Variants in BBS9 observed in about 807,000 individuals in gnomAD.
The protein encoded by BBS9 is Bardet-Biedl syndrome 9.
BBS9 carries 89 observed loss-of-function variants against 117.7 expected under a neutral mutation model. The observed-to-expected ratio is 0.76, with a 90% CI of 0.64 to 0.90. The LOEUF (loss-of-function observed/expected upper bound fraction) is 0.90, where lower values mean the gene tolerates loss of function less well. Ranked by LOEUF, BBS9 falls within the 40% of genes least tolerant of loss-of-function variation. The pLI is 0.00. For missense variants in BBS9, 982 were observed against 1,042.2 expected (o/e 0.94, Z 0.80); for synonymous variants, 379 against 370.9 (o/e 1.02, Z -0.25).
chr7:33,387,888 A>T (rs1584609475), intron 18 of BBS9, 104 bp from the exon 19 acceptor site: 1 of 1,336,498 alleles, frequency 7.5e-7, no homozygotes, highest in East Asian at 2.3e-5. Flanking sequence ...ATGCATTTAA[A>T]TTTCTTCATT....
chr7:33,352,713 G>C (rs1818893041), intron 14 of BBS9, 146 bp from the exon 15 acceptor site: 2 of 854,344 alleles, frequency 2.3e-6, no homozygotes, highest in East Asian at 5.2e-5. Context: ...TGTGTTTGGA[G>C]AGTCATTTAA....
At chr7:33,294,684 T>G (rs1228904484) in intron 9 of BBS9, among the ~76,000 whole-genome samples, 1 of 152,232 alleles carries the variant, frequency 6.6e-6, no homozygotes, top group Non-Finnish European at 1.5e-5. Flanking sequence ...ATAGTCATGC[T>G]TGTATATTAA....
intron 21 of BBS9, among the ~76,000 whole-genome samples, chr7:33,594,773 T>C (rs1862462364): frequency 6.6e-6 from 1 of 152,136 alleles, no homozygotes; most frequent in Admixed American, 6.6e-5. Context: ...TCCCAAGGGC[T>C]TTATTTCCAA....
At chr7:33,507,368 G>A (rs1846293010) in intron 20 of BBS9, among the ~76,000 whole-genome samples, 1 of 152,128 alleles carries the variant, frequency 6.6e-6, no homozygotes, top group Non-Finnish European at 1.5e-5. Flanking sequence ...AGCCTCCAGA[G>A]TAGCTGGGAT....
intron 20 of BBS9, among the ~76,000 whole-genome samples, chr7:33,514,555 A>T (rs920493213): frequency 6.6e-6 from 1 of 152,178 alleles, no homozygotes; most frequent in Non-Finnish European, 1.5e-5. Context: ...AAAAAGTTAA[A>T]CAACAGAATC....
intron 5 of BBS9, among the ~76,000 whole-genome samples, chr7:33,220,527 T>C (rs1320042956): frequency 6.6e-6 from 1 of 152,234 alleles, no homozygotes; most frequent in African/African-American, 2.4e-5. Context: ...AAAACTACTT[T>C]GTACCTAATG....
intron 9 of BBS9, among the ~76,000 whole-genome samples, chr7:33,290,720 T>C (rs1803879427): frequency 6.6e-6 from 1 of 152,244 alleles, no homozygotes; most frequent in Non-Finnish European, 1.5e-5. Context: ...TAGAACAGAA[T>C]TCTCAGTATT....
At chr7:33,495,853 A>G (rs1844631928) in intron 19 of BBS9, among the ~76,000 whole-genome samples, 1 of 152,162 alleles carries the variant, frequency 6.6e-6, no homozygotes, top group Non-Finnish European at 1.5e-5. Context: ...AAATAGCAAA[A>G]TTTGTCTCTA....
chr7:33,276,064 A>G (rs1364704265), intron 9 of BBS9, among the ~76,000 whole-genome samples: 1 of 152,210 alleles, frequency 6.6e-6, no homozygotes. Flanking sequence ...CAATTAATAT[A>G]TAAAAATAAA....
Position 33,255,102 on chromosome 7 carries a change from G to C in BBS9, c.443-2134G>C, listed in dbSNP as rs118049367. Reference sequence around the variant, plus strand: ...ATTTGCAAATATTTTCTCCCATTATGTGTTTTTTTGTTGATTGTTTTCTTT... The same window carrying C: ...ATTTGCAAATATTTTCTCCCATTATCTGTTTTTTTGTTGATTGTTTTCTTT... On this transcript the variant is annotated intron_variant, in intron 5 of 22. Transcript: ENST00000242067. 4.0e-3 allele frequency among the ~76,000 whole-genome samples: 613 copies of C among 152,090 alleles called. 1 individual carries two copies. The highest frequency in any genetic ancestry group is 6.6e-3 in the Non-Finnish European group (448 of 67,956).
chr7:33,488,290 CA>C (rs1303029097), intron 19 of BBS9, among the ~76,000 whole-genome samples: 1 of 152,194 alleles, frequency 6.6e-6, no homozygotes, highest in Non-Finnish European at 1.5e-5. Context: ...GCTATAGGAA[CA>C]AAATCTCAGA....
intron 9 of BBS9, 21 bp downstream of exon 9, chr7:33,273,977 C>A: frequency 6.2e-7 from 1 of 1,612,528 alleles, no homozygotes; most frequent in Admixed American, 1.7e-5. Context: ...TAATTTAACA[C>A]AGTTTTTAAA....
At chr7:33,130,877 C>T (rs1789493510) in intron 1 of BBS9, among the ~76,000 whole-genome samples, 1 of 151,984 alleles carries the variant, frequency 6.6e-6, no homozygotes, top group Non-Finnish European at 1.5e-5. Flanking sequence ...CAACTATACA[C>T]TTATATTTAT....
chr7:33,527,561 C>T (rs1056722759), intron 20 of BBS9, among the ~76,000 whole-genome samples: 3 of 152,342 alleles, frequency 2.0e-5, no homozygotes, highest in Non-Finnish European at 4.4e-5. Context: ...AACTCCCTGA[C>T]CCCTTGCGCT....
chr7:33,558,892 A>G (rs973681266), intron 21 of BBS9, among the ~76,000 whole-genome samples: 2 of 152,232 alleles, frequency 1.3e-5, no homozygotes, highest in Non-Finnish European at 2.9e-5. Context: ...AATTTTTTAA[A>G]AAGACTCCTC....
At position 33,189,308 on chromosome 7, in the gene BBS9, T is replaced by G. The variant is rs116890748; in HGVS notation, c.442+11717T>G. On this transcript the variant is annotated intron_variant, in intron 5 of 22. Transcript: ENST00000242067. ...TGCTAGGATTATAGGCATGAGCCAT[T>G]GTGCCTGGCCCCATTTTTATTTTTA... 2.5e-4 allele frequency among the ~76,000 whole-genome samples: 38 copies of G among 152,280 alleles called. No homozygotes were observed. In the East Asian group the frequency reaches 6.4e-3, roughly 26 times the overall value.
chr7:33,153,249 A>T (rs1000446225), intron 3 of BBS9, among the ~76,000 whole-genome samples: 3 of 152,236 alleles, frequency 2.0e-5, no homozygotes, highest in African/African-American at 7.2e-5. Context: ...ATGAATAGTT[A>T]TTTGGGGTAG....
At chr7:33,237,014 TTTTATA>T (rs1429826946) in intron 5 of BBS9, among the ~76,000 whole-genome samples, 1 of 152,148 alleles carries the variant, frequency 6.6e-6, no homozygotes, top group Non-Finnish European at 1.5e-5. Flanking sequence ...TTTCAATAGT[TTTTATA>T]TTTATAAATC....
At chr7:33,406,690 A>G (rs1830062335) in intron 19 of BBS9, among the ~76,000 whole-genome samples, 2 of 151,896 alleles carry the variant, frequency 1.3e-5, no homozygotes, top group African/African-American at 4.8e-5. Context: ...TCCTTCACTT[A>G]TGAAGCTTAG....
Sources: gnomAD v4.1 joint callset for allele counts (sites outside exome capture counted in the v4.1 genomes callset) on GRCh38, gnomAD v4.1.1 for gene constraint, MANE v1.5 for transcripts, NCBI Gene and HGNC (gene_info 2026-07-23, HGNC 2026-07-21) for gene names.